PHF24: variants seen among roughly 807,000 people sequenced by gnomAD.
PHF24 encodes Galpha inhibitory interacting protein.
PHF24 carries 25 observed loss-of-function variants against 42.6 expected under a neutral mutation model. The ratio of observed to expected loss-of-function variants is 0.59; its 90% CI spans 0.43 to 0.82. The LOEUF is 0.82. PHF24 is among the 40% of genes least tolerant of loss of function. PHF24 has a pLI of 0.00. For synonymous variants in PHF24, 185 were observed against 204.8 expected, an observed-to-expected ratio of 0.90 and a Z score of 0.83; for missense variants, 470 against 538.1, an observed-to-expected ratio of 0.87 and a Z score of 1.25.
chr9:34,689,934 G>A, the PHF24 span: 3 of 1,614,134 alleles, frequency 1.9e-6, no homozygotes, highest in Non-Finnish European at 2.5e-6. This position sits in a 1 kb window ranked among gnomAD's most constrained non-coding sequence, Gnocchi z 4.1. Flanking sequence ...GCTTGCCTTG[G>A]CTGAGGTCCT....
At chr9:34,847,426 C>T in the PHF24 span, among the ~76,000 whole-genome samples, 3 of 151,994 alleles carry the variant, frequency 2.0e-5, no homozygotes, top group Non-Finnish European at 4.4e-5. Context: ...TATAAGAATG[C>T]TTGTGATTTT....
At chr9:34,909,771 G>A in the PHF24 span, among the ~76,000 whole-genome samples, 1 of 151,982 alleles carries the variant, frequency 6.6e-6, no homozygotes, top group African/African-American at 2.4e-5. Flanking sequence ...ACAGGCATCC[G>A]CCACCATGCC....
chr9:34,936,707 GCCTCTGCC>G, the PHF24 span, among the ~76,000 whole-genome samples: 1 of 149,182 alleles, frequency 6.7e-6, no homozygotes, highest in African/African-American at 2.5e-5. Flanking sequence ...TGTGGGGAGC[GCCTCTGCC>G]CCACCGCCCC....
At chr9:34,917,320 G>A in the PHF24 span, 1 of 907,724 alleles carries the variant, frequency 1.1e-6, no homozygotes, top group Admixed American at 1.7e-5. Context: ...ACCCTGGACA[G>A]TGAGCCCAAG....
the PHF24 span, among the ~76,000 whole-genome samples, chr9:34,799,841 A>C: frequency 6.6e-6 from 1 of 152,228 alleles, no homozygotes; most frequent in African/African-American, 2.4e-5. Flanking sequence ...AATATGAAGA[A>C]GTACCACAGA....
the PHF24 span, chr9:34,835,614 C>T: frequency 6.4e-7 from 1 of 1,551,682 alleles, no homozygotes; most frequent in Non-Finnish European, 8.7e-7. Flanking sequence ...TCAGTGGAGC[C>T]CTTGGCTTGT....
the PHF24 span, among the ~76,000 whole-genome samples, chr9:34,936,351 G>A: frequency 4.9e-3 from 751 of 152,352 alleles, 5 homozygotes; most frequent in African/African-American, 0.017. Flanking sequence ...GATTGCAGAC[G>A]GAGTCTCGTT....
chr9:34,891,867 G>T, the PHF24 span, among the ~76,000 whole-genome samples: 1 of 152,186 alleles, frequency 6.6e-6, no homozygotes, highest in East Asian at 1.9e-4. Context: ...TCTACAGCAG[G>T]TGCCACTCCA....
chr9:34,941,199 C>CTTTA, the PHF24 span, among the ~76,000 whole-genome samples: 1 of 152,202 alleles, frequency 6.6e-6, no homozygotes. Context: ...ATACTGCATC[C>CTTTA]TAAAGGATGG....
At chr9:34,899,958 A>G in the PHF24 span, among the ~76,000 whole-genome samples, 7 of 152,244 alleles carry the variant, frequency 4.6e-5, no homozygotes, top group Admixed American at 1.3e-4. Flanking sequence ...TATATTAAAT[A>G]AGTATCAAAA....
chr9:34,762,536 A>C, the PHF24 span, among the ~76,000 whole-genome samples: 5 of 143,412 alleles, frequency 3.5e-5, no homozygotes, highest in Admixed American at 7.1e-5. Context: ...CCACTTTTTG[A>C]TGGGGTTGTT....
At chr9:34,846,352 ATGG>A in the PHF24 span, among the ~76,000 whole-genome samples, 1 of 151,630 alleles carries the variant, frequency 6.6e-6, no homozygotes, top group South Asian at 2.1e-4. Flanking sequence ...ATGGCCAGTG[ATGG>A]TGAGCATTTT....
the PHF24 span, among the ~76,000 whole-genome samples, chr9:34,751,723 C>A: frequency 6.6e-6 from 1 of 152,134 alleles, no homozygotes; most frequent in South Asian, 2.1e-4. Flanking sequence ...ATTTATAGAA[C>A]ATTTTACCCA....
upstream of PHF24, among the ~76,000 whole-genome samples, chr9:34,958,112 G>GGAGGCGCAAGAGGACTGGGCGGGGC (rs1826434298): frequency 1.3e-5 from 2 of 148,992 alleles, no homozygotes; most frequent in Middle Eastern, 6.8e-3. This position sits in a 1 kb window ranked among gnomAD's most constrained non-coding sequence, Gnocchi z 4.5. Flanking sequence ...GGCGTCTCCT[G>GGAGGCGCAAGAGGACTGGGCGGGGC]GAGGCGCAAG....
At chr9:34,779,093 C>T in the PHF24 span, among the ~76,000 whole-genome samples, 1 of 151,904 alleles carries the variant, frequency 6.6e-6, no homozygotes, top group Non-Finnish European at 1.5e-5. Context: ...TGGAAAGCAG[C>T]AAAAGCAGTG....
the PHF24 span, among the ~76,000 whole-genome samples, chr9:34,862,008 G>A: frequency 6.6e-6 from 1 of 152,146 alleles, no homozygotes; most frequent in Non-Finnish European, 1.5e-5. Context: ...CCAGCATGAT[G>A]GGGTTCTGGT....
the PHF24 span, among the ~76,000 whole-genome samples, chr9:34,720,460 AAC>A: frequency 3.2e-4 from 48 of 148,510 alleles, 1 homozygote; most frequent in East Asian, 7.8e-4. Flanking sequence ...TCAAAAAAAA[AAC>A]AAAACAAAAC....
chr9:34,699,783 T>C, the PHF24 span, among the ~76,000 whole-genome samples: 1 of 152,254 alleles, frequency 6.6e-6, no homozygotes, highest in Non-Finnish European at 1.5e-5. Flanking sequence ...GGCACTGAGA[T>C]ACAGCAGTAA....
the PHF24 span, among the ~76,000 whole-genome samples, chr9:34,896,988 C>G: frequency 6.6e-6 from 1 of 152,070 alleles, no homozygotes; most frequent in Non-Finnish European, 1.5e-5. Context: ...AACCCCATCT[C>G]TACTAAAAAT....
Sources: allele counts gnomAD v4.1 joint callset (sites outside exome capture counted in the v4.1 genomes callset), GRCh38; gene constraint gnomAD v4.1.1; non-coding constraint Gnocchi (gnomAD v3.1); transcripts MANE v1.5; gene names NCBI Gene and HGNC (gene_info 2026-07-23, HGNC 2026-07-21).